FBLN1: variants seen among roughly 807,000 people sequenced by gnomAD.
FBLN1 encodes fibulin 1.
In FBLN1, 34 loss-of-function variants were observed where a neutral mutation model predicts 89.7. The observed-to-expected ratio is 0.38, with a 90% CI of 0.29 to 0.50. FBLN1 has a LOEUF of 0.50. Ranked by LOEUF, FBLN1 falls within the 20% of genes least tolerant of loss-of-function variation. The probability of loss-of-function intolerance (pLI) is 0.92; values close to 1 mark genes in which losing one functional copy is unlikely to be tolerated. For synonymous variants in FBLN1, 393 were observed against 391.3 expected, an observed-to-expected ratio of 1.00 and a Z score of -0.05; for missense variants, 777 against 988.1, an observed-to-expected ratio of 0.79 and a Z score of 2.86.
rs11912731 is a variant in FBLN1 at position 45,528,014 on chromosome 22, C to G, written c.484+5C>G. The G allele has an allele frequency of 2.7e-5, 43 of 1,614,050 alleles. No homozygotes were observed. The highest frequency in any genetic ancestry group is 3.5e-5 in the Non-Finnish European group (41 of 1,180,016). ...TCGGGGGCCTCCAAGAAACGGGTAA[C>G]TTTCCCCCTTCCTTCCCTAATGAGC... On this transcript the variant is annotated splice_donor_5th_base_variant and intron_variant, in intron 4 of 16. Transcript: ENST00000327858.
chr22:45,520,335 G>A (rs1423248508), intron 2 of FBLN1, among the ~76,000 whole-genome samples: 1 of 152,222 alleles, frequency 6.6e-6, no homozygotes, highest in African/African-American at 2.4e-5. Flanking sequence ...CTGAGACCGA[G>A]GTGTCAGCAG....
rs963030598 is a variant in FBLN1 at position 45,543,498 on chromosome 22, G to T, written c.1293G>T (p.Arg431=). The change falls in exon 11 of 17, where the codon CGG becomes CGT. Residue 431 remains arginine (R), a synonymous_variant. Transcript: ENST00000327858. ...SYLCSCSVGF[R]LSVDGRSCED... ...TCTGCAGCTGTTCCGTGGGCTTCCG[G>T]CTCTCTGTGGATGGCAGGTCATGTG... 12 of 1,613,658 alleles carry T rather than the reference G, an allele frequency of 7.4e-6. No homozygotes were observed. The highest frequency in any genetic ancestry group is 1.0e-5 in the Non-Finnish European group (12 of 1,179,990).
At chr22:45,552,514 A>G (rs2088717533) in intron 14 of FBLN1, among the ~76,000 whole-genome samples, 1 of 152,184 alleles carries the variant, frequency 6.6e-6, no homozygotes, top group Non-Finnish European at 1.5e-5. Context: ...CTCATCAAAA[A>G]TCGAAGCTGC....
intron 16 of FBLN1, among the ~76,000 whole-genome samples, chr22:45,591,584 A>C (rs2089136787): frequency 6.6e-6 from 1 of 152,134 alleles, no homozygotes; most frequent in Non-Finnish European, 1.5e-5. Flanking sequence ...TTAGTATTTT[A>C]AATATGCAGC....
chr22:45,592,732 G>T (rs763101), intron 16 of FBLN1, among the ~76,000 whole-genome samples: 48,675 of 152,076 alleles, frequency 0.32, 12,232 homozygotes, highest in African/African-American at 0.7. Flanking sequence ...GCCTGGTGAT[G>T]GTTTGCTTCT....
Position 45,581,752 on chromosome 22 carries a change from G to A in FBLN1, c.1972+4644G>A, listed in dbSNP as rs529882259. 6.6e-6 allele frequency among the ~76,000 whole-genome samples: 1 copy of A among 152,202 alleles called. No homozygotes were observed. Among genetic ancestry groups the A allele is most frequent in the Admixed American group, 6.5e-5 (1 of 15,302 alleles). On this transcript the variant is annotated intron_variant, in intron 16 of 16. Coordinates refer to ENST00000327858, the MANE Select transcript of FBLN1 (RefSeq NM_006486.3). The surrounding 1 kb of genome is among the most constrained non-coding windows in gnomAD (Gnocchi z 7.6). ...CACACACATTCTGGGTCTTGAGGCTGAGGGGTGAGCCAGACAAGTGGGACA... is the reference window on the plus strand; with the variant it reads ...CACACACATTCTGGGTCTTGAGGCTAAGGGGTGAGCCAGACAAGTGGGACA...
Position 45,592,495 on chromosome 22 carries a change from T to C in FBLN1, c.1973-7812T>C, listed in dbSNP as rs1259080097. 3.3e-5 allele frequency among the ~76,000 whole-genome samples: 5 copies of C among 152,054 alleles called. No homozygotes were observed. In the East Asian group the frequency reaches 7.7e-4, roughly 23 times the overall value. ...GGCGCCTGCCACCATGCCCAGCTAA[T>C]TTTTGTATTTTTAGTAGAGACAGGG... On this transcript the variant is annotated intron_variant, in intron 16 of 16. Coordinates refer to ENST00000327858, the MANE Select transcript of FBLN1 (RefSeq NM_006486.3).
intron 14 of FBLN1, among the ~76,000 whole-genome samples, chr22:45,568,544 G>GC (rs1569260105): frequency 1.0e-4 from 14 of 140,250 alleles, no homozygotes; most frequent in South Asian, 2.2e-4. Flanking sequence ...GTAGGGGAAT[G>GC]CTCCTTCTGT....
At chr22:45,596,228 A>G (rs561206712) in intron 16 of FBLN1, among the ~76,000 whole-genome samples, 1 of 152,338 alleles carries the variant, frequency 6.6e-6, no homozygotes, top group Non-Finnish European at 1.5e-5. Context: ...AGGAAGGTCA[A>G]ATAATCCATC....
At chr22:45,528,570 C>T (rs1256839517) in intron 4 of FBLN1, among the ~76,000 whole-genome samples, 2 of 152,112 alleles carry the variant, frequency 1.3e-5, no homozygotes, top group Non-Finnish European at 2.9e-5. Context: ...ATCTGGAACT[C>T]CTGACCTCAG....
Position 45,577,477 on chromosome 22 carries a change from C to T in FBLN1, c.1972+369C>T, listed in dbSNP as rs200103139. ...CTGAGGGCTGGCACAGTCCCGCGGTCGGTGGGAGCTAAGGGGATTGTTATT... is the reference window on the plus strand; with the variant it reads ...CTGAGGGCTGGCACAGTCCCGCGGTTGGTGGGAGCTAAGGGGATTGTTATT... On this transcript the variant is annotated intron_variant, in intron 16 of 16. Transcript: ENST00000327858. This position sits in a 1 kb window ranked among gnomAD's most constrained non-coding sequence, Gnocchi z 6.6. 1.3e-4 allele frequency among the ~76,000 whole-genome samples: 20 copies of T among 152,284 alleles called. No individual in the cohort carries two copies. In the East Asian group the frequency reaches 1.5e-3, roughly 12 times the overall value.
At chr22:45,568,483 G>C (rs2147019677) in intron 14 of FBLN1, among the ~76,000 whole-genome samples, 1 of 126,406 alleles carries the variant, frequency 7.9e-6, no homozygotes, top group Admixed American at 7.9e-5. Flanking sequence ...TTCTGTAGGG[G>C]AATGCCTCTT....
intron 4 of FBLN1, among the ~76,000 whole-genome samples, chr22:45,529,782 G>A (rs1022765823): frequency 9.2e-5 from 14 of 152,172 alleles, no homozygotes; most frequent in African/African-American, 1.7e-4. Flanking sequence ...AGGGAGAATC[G>A]CTTGAACCTG....
rs543787977 is a variant in FBLN1 at position 45,597,393 on chromosome 22, C to G, written c.1973-2914C>G. Reference sequence around the variant, plus strand: ...GCTCACCCAGCCTCTCCTTCTCCTTCAAGCCCCAAACCTCTGAATGCCAGG... The same window carrying G: ...GCTCACCCAGCCTCTCCTTCTCCTTGAAGCCCCAAACCTCTGAATGCCAGG... On this transcript the variant is annotated intron_variant, in intron 16 of 16. Coordinates refer to ENST00000327858, the MANE Select transcript of FBLN1 (RefSeq NM_006486.3). The surrounding 1 kb of genome is among the most constrained non-coding windows in gnomAD (Gnocchi z 4.2). Among the ~76,000 whole-genome samples, 1 of 152,208 alleles carries G rather than the reference C, an allele frequency of 6.6e-6. No individual in the cohort carries two copies. Among genetic ancestry groups the G allele is most frequent in the Non-Finnish European group, 1.5e-5 (1 of 68,050 alleles).
intron 14 of FBLN1, among the ~76,000 whole-genome samples, chr22:45,559,698 A>G (rs1172993298): frequency 2.0e-5 from 3 of 152,218 alleles, no homozygotes; most frequent in Admixed American, 6.5e-5. Flanking sequence ...GAGGGCCACA[A>G]TGACGTTTTG....
At chr22:45,512,334 G>A (rs1006424993) in intron 1 of FBLN1, among the ~76,000 whole-genome samples, 1 of 152,036 alleles carries the variant, frequency 6.6e-6, no homozygotes, top group Non-Finnish European at 1.5e-5. Flanking sequence ...CAGTTGGTTG[G>A]ATGCTGTTGA....
Position 45,563,018 on chromosome 22 carries a change from GT to G in FBLN1, c.1698-11492del. On this transcript the variant is annotated intron_variant, in intron 14 of 16. Coordinates refer to ENST00000327858, the MANE Select transcript of FBLN1 (RefSeq NM_006486.3). This position sits in a 1 kb window ranked among gnomAD's most constrained non-coding sequence, Gnocchi z 5.7. ...CCCCACCAACATCCAAGCGCCCGCG[GT>G]GGTTTTCCGCATGGGCCCCTCCAGT... 6.2e-7 allele frequency: 1 copy of G among 1,613,566 alleles called. No individual in the cohort carries two copies. Among genetic ancestry groups the G allele is most frequent in the Non-Finnish European group, 8.5e-7 (1 of 1,179,984 alleles).
intron 4 of FBLN1, among the ~76,000 whole-genome samples, chr22:45,528,934 C>A (rs1454683681): frequency 2.0e-5 from 3 of 152,158 alleles, no homozygotes; most frequent in Admixed American, 2.0e-4. Flanking sequence ...ACCTTGGTCC[C>A]CTCATCTGGG....
intron 1 of FBLN1, among the ~76,000 whole-genome samples, chr22:45,512,374 C>T (rs898813037): frequency 6.6e-5 from 10 of 152,004 alleles, no homozygotes; most frequent in African/African-American, 9.7e-5. Context: ...ACCTATGAGG[C>T]GTGGAGTTGG....
Sources: allele counts gnomAD v4.1 joint callset (sites outside exome capture counted in the v4.1 genomes callset), GRCh38; gene constraint gnomAD v4.1.1; non-coding constraint Gnocchi (gnomAD v3.1); transcripts MANE v1.5; gene names NCBI Gene and HGNC (gene_info 2026-07-23, HGNC 2026-07-21).